The following XPO5 variants were observed in gnomAD, a reference collection of about 807,000 sequenced individuals.
XPO5 encodes the protein exportin-5.
A neutral mutation model predicts 160.6 loss-of-function variants in XPO5; 46 were observed. That is an observed-to-expected ratio of 0.29 (90% CI 0.23 to 0.37). XPO5 has a LOEUF of 0.37. XPO5 is among the 10% of genes least tolerant of loss of function. The pLI is 1.00. For missense variants in XPO5, 1,090 were observed against 1,463.9 expected (o/e 0.74, Z 4.17); for synonymous variants, 537 against 519.3 (o/e 1.03, Z -0.46).
rs1396748976 is a variant in XPO5 at position 43,523,362 on chromosome 6, A to C, written c.*506T>G. 1 of 283,804 alleles carries C rather than the reference A, an allele frequency of 3.5e-6. No individual in the cohort carries two copies. The highest frequency in any genetic ancestry group is 4.9e-5 in the Admixed American group (1 of 20,540). 17.6% of individuals were successfully genotyped at this position (283,804 alleles called of 1,614,324 possible). A position where few individuals can be genotyped will look rare whatever the true frequency, so the allele number is the denominator to read the frequency against. On this transcript the variant is annotated 3_prime_UTR_variant, in exon 32 of 32. Transcript: ENST00000265351. ...CTTCAGCACTTAGCACCTAACCCAG[A>C]CATGCCCCTTAGGGAGTGGGGAAAG... is the stretch of plus-strand genomic sequence containing the variant.
At chr6:43,537,791 G>A (rs1398788280) in intron 20 of XPO5, among the ~76,000 whole-genome samples, 1 of 152,164 alleles carries the variant, frequency 6.6e-6, no homozygotes, top group Non-Finnish European at 1.5e-5. Context: ...AGAGGGCCAG[G>A]CATGGTAGCT....
Position 43,568,719 on chromosome 6 carries a change from C to T in XPO5, c.640G>A (p.Glu214Lys). The T allele has an allele frequency of 6.3e-7, 1 of 1,578,310 alleles. No homozygotes were observed. Among genetic ancestry groups the T allele is most frequent in the South Asian group, 1.2e-5 (1 of 85,684 alleles). Residue 214 changes from glutamate (E) to lysine (K), a missense_variant, in exon 6 of 32, where the codon GAG (glutamate) becomes AAG (lysine). By Grantham distance (56) the Glu-to-Lys change is moderately conservative. Transcript: ENST00000265351. ...TTATAAAGAGCTCTTACCTTTGACT[C>T]CTGAGAAGTATCTGTCTTCTGAAAG... ...YQQVKTDTSQ[E>K]SKAQANCRVG...
At chr6:43,531,371 CTCT>C in intron 22 of XPO5, 105 bp downstream of exon 22, 1 of 989,052 alleles carries the variant, frequency 1.0e-6, no homozygotes, top group Non-Finnish European at 1.6e-6. Flanking sequence ...TCCTATCAAA[CTCT>C]TGCCTCGCCT....
chr6:43,564,172 T>C (rs1465479393), intron 8 of XPO5, among the ~76,000 whole-genome samples: 3 of 152,144 alleles, frequency 2.0e-5, no homozygotes, highest in Admixed American at 2.0e-4. Flanking sequence ...TCCATCTGCC[T>C]TGGCCTCCTA....
At position 43,548,312 on chromosome 6, in the gene XPO5, T is replaced by C; in HGVS notation, c.2009A>G (p.Glu670Gly). Reference protein sequence around the residue: ...KNYERQKVFLEELMAPVASIW... With the variant: ...KNYERQKVFLGELMAPVASIW... ...GCTGGCCACTGGTGCCATCAGCTCC[T>C]CTAGGAACACCTTCTGACGCTCGTA... is the stretch of plus-strand genomic sequence containing the variant. The change falls in exon 18 of 32, where the codon GAG becomes GGG. Residue 670 changes from glutamate (E) to glycine (G), a missense_variant. This residue lies in a region of XPO5 where 810 missense variants were observed against 1,139.0 expected (regional missense o/e 0.71). Transcript: ENST00000265351. 1 of 1,613,518 alleles carries C rather than the reference T, an allele frequency of 6.2e-7. No homozygotes were observed. The highest frequency in any genetic ancestry group is 8.5e-7 in the Non-Finnish European group (1 of 1,179,632).
intron 1 of XPO5, among the ~76,000 whole-genome samples, chr6:43,574,488 T>A (rs1379635583): frequency 6.6e-6 from 1 of 150,418 alleles, no homozygotes; most frequent in Non-Finnish European, 1.5e-5. Context: ...TATGTGTATA[T>A]ATTATATATA....
intron 5 of XPO5, among the ~76,000 whole-genome samples, chr6:43,569,808 C>G (rs901416491): frequency 5.9e-5 from 9 of 151,646 alleles, no homozygotes; most frequent in South Asian, 2.1e-4. Context: ...TAGGGCTGGG[C>G]TCGGTGGCTC....
chr6:43,575,305 G>A (rs1202662853), intron 1 of XPO5, among the ~76,000 whole-genome samples: 1 of 152,240 alleles, frequency 6.6e-6, no homozygotes, highest in Non-Finnish European at 1.5e-5. Flanking sequence ...AGGGGCTGGA[G>A]CTCGGTCAGG....
At chr6:43,554,928 AG>A (rs1761967374) in intron 13 of XPO5, 1 of 148,016 alleles carries the variant, frequency 6.8e-6, no homozygotes. Context: ...GACGTGCACT[AG>A]TTAATTCACT....
intron 5 of XPO5, among the ~76,000 whole-genome samples, 191 bp downstream of exon 5, chr6:43,570,311 C>CAAAAAAAAAA (rs70990200): frequency 4.8e-4 from 37 of 76,978 alleles, no homozygotes; most frequent in Non-Finnish European, 7.5e-4. Context: ...GCCTCCGTCT[C>CAAAAAAAAAA]AAAAAAAAAA....
rs111634867 is a variant in XPO5, at chr6:43,553,526, T to TACACAC, written c.1442-29_1442-24dup. 168 of 1,448,094 alleles carry TACACAC rather than the reference T, an allele frequency of 1.2e-4. No individual in the cohort carries two copies. In the African/African-American group the frequency reaches 1.4e-3, roughly 12 times the overall value. The allele number at this position is 1,448,094 out of a possible 1,614,324, so 89.7% of individuals were successfully genotyped here. On this transcript the variant is annotated intron_variant, in intron 13 of 31. Coordinates refer to ENST00000265351, the MANE Select transcript of XPO5 (RefSeq NM_020750.3). ...AAGCTTTAAAACACACACACACACA[T>TACACAC]ACACACACACACACACACACACAAT... is the stretch of plus-strand genomic sequence containing the variant.
At chr6:43,573,825 T>TATATA (rs1561889363) in intron 1 of XPO5, among the ~76,000 whole-genome samples, 103 of 85,228 alleles carry the variant, frequency 1.2e-3, no homozygotes, top group African/African-American at 5.3e-3. Context: ...ATATATATAT[T>TATATA]TTTTTTTTTT....
At position 43,526,694 on chromosome 6, in the gene XPO5, C is replaced by T; in HGVS notation, c.2974G>A (p.Asp992Asn). 1 of 1,613,974 alleles carries T rather than the reference C, an allele frequency of 6.2e-7. No homozygotes were observed. Among genetic ancestry groups the T allele is most frequent in the South Asian group, 1.1e-5 (1 of 91,050 alleles). The change falls in exon 27 of 32, where the codon GAT (aspartate) becomes AAT (asparagine). Residue 992 changes from aspartate to asparagine, a missense_variant. Physicochemically the swap from Asp to Asn is conservative, Grantham distance 23. Transcript: ENST00000265351. ...TCACAGGCTCACTTACCGTCTCCAT[C>T]TGCTGGGGGAGCACTACTGTGGTCA... Reference protein sequence around the residue: ...GADHSSAPPADGDDEEMMATE... With the variant: ...GADHSSAPPANGDDEEMMATE...
intron 11 of XPO5, 80 bp downstream of exon 11, chr6:43,560,098 C>T (rs567933734): frequency 3.4e-5 from 51 of 1,502,798 alleles, no homozygotes; most frequent in Non-Finnish European, 3.8e-5. Context: ...GGATTATAGG[C>T]GTGAGCCACC....
chr6:43,553,767 T>C, intron 13 of XPO5: 1 of 447,468 alleles, frequency 2.2e-6, no homozygotes. Context: ...CTATGAGCCT[T>C]GTAGTAAAAC....
intron 20 of XPO5, among the ~76,000 whole-genome samples, chr6:43,544,711 G>A (rs1794880584): frequency 6.6e-6 from 1 of 152,084 alleles, no homozygotes; most frequent in Admixed American, 6.5e-5. Flanking sequence ...TCAGCTGTCC[G>A]AGACCAGCCT....
intron 7 of XPO5, among the ~76,000 whole-genome samples, chr6:43,566,239 C>T (rs1360837272): frequency 6.6e-6 from 1 of 152,012 alleles, no homozygotes; most frequent in African/African-American, 2.4e-5. Context: ...CTAAAAAATA[C>T]AAAAATTAGC....
chr6:43,535,500 A>G (rs1442580243), intron 20 of XPO5, among the ~76,000 whole-genome samples: 1 of 152,170 alleles, frequency 6.6e-6, no homozygotes, highest in Non-Finnish European at 1.5e-5. Flanking sequence ...ATGCAAACTG[A>G]AAACATCTTT....
rs1460354783 is a variant in XPO5, at chr6:43,525,144, C to T, written c.3137G>A (p.Arg1046Lys). 3.2e-6 allele frequency: 5 copies of T among 1,582,440 alleles called. No homozygotes were observed. The highest frequency in any genetic ancestry group is 2.7e-5 in the African/African-American group (2 of 74,354). ...LAWKDTLSCQ[R>K]TTSQLCWPLL... ...AGGCCAGCAGAGCTGTGAGGTTGTC[C>T]TCTGGCAGGACAGAGTATCTTTCCA... is the stretch of plus-strand genomic sequence containing the variant. Residue 1046 changes from arginine to lysine, a missense_variant, in exon 29 of 32, where the codon AGG (arginine) becomes AAG (lysine). By Grantham distance (26) the Arg-to-Lys change is conservative. Transcript: ENST00000265351.
Sources: allele counts gnomAD v4.1 joint callset (sites outside exome capture counted in the v4.1 genomes callset), GRCh38; gene constraint gnomAD v4.1.1; regional missense constraint gnomAD v4.1.1; transcripts MANE v1.5; gene names NCBI Gene and HGNC (gene_info 2026-07-23, HGNC 2026-07-21).